OAS3: variants seen among roughly 807,000 people sequenced by gnomAD.
The protein encoded by OAS3 is 2'-5'-oligoadenylate synthetase 3.
In OAS3, 107 loss-of-function variants were observed where a neutral mutation model predicts 113.0. That is an observed-to-expected ratio of 0.95 (90% CI 0.81 to 1.11). The LOEUF (loss-of-function observed/expected upper bound fraction) is 1.11. OAS3 is among the 50% of genes most tolerant of loss of function. The probability of loss-of-function intolerance (pLI) is 0.00; values close to 1 mark genes in which losing one functional copy is unlikely to be tolerated. For missense variants in OAS3, 1,258 were observed against 1,389.1 expected, an observed-to-expected ratio of 0.91 and a Z score of 1.50; for synonymous variants, 552 against 573.6, an observed-to-expected ratio of 0.96 and a Z score of 0.54.
In OAS3 at chr12:112,955,441, C is replaced by T. The variant is rs558528954; in HGVS notation, c.1657+4466C>T. Among the ~76,000 whole-genome samples, 27 of 152,220 alleles carry T rather than the reference C, an allele frequency of 1.8e-4. No homozygotes were observed. The South Asian group carries it at 2.5e-3, about 14-fold the overall frequency. ...GCTTCCAGTTTTTGCCCATTCAGTA[C>T]GATATTGGCTGTGGGTTTGTCATAA... is the stretch of plus-strand genomic sequence containing the variant. On this transcript the variant is annotated intron_variant, in intron 7 of 15. Coordinates refer to ENST00000228928, the MANE Select transcript of OAS3 (RefSeq NM_006187.4).
In OAS3 at chr12:112,950,699, T is replaced by A. The variant is rs756991262; in HGVS notation, c.1381T>A (p.Ser461Thr). Residue 461 changes from serine (S) to threonine (T), a missense_variant, in exon 7 of 16, where the codon TCA (serine) becomes ACA (threonine). By Grantham distance (58) the Ser-to-Thr change is moderately conservative. Coordinates refer to ENST00000228928, the MANE Select transcript of OAS3 (RefSeq NM_006187.4). ...GCTGTTCTTCCCTCCACAGGGGGGC[T>A]CATTTGGCCGGGGCACAGACCTAAG... is the stretch of plus-strand genomic sequence containing the variant. ...HKASRVSKGG[S>T]FGRGTDLRDG... 1.9e-5 allele frequency: 30 copies of A among 1,613,910 alleles called. No individual in the cohort carries two copies. The highest frequency in any genetic ancestry group is 7.7e-5 in the South Asian group (7 of 91,082).
rs1565982027 is a variant in OAS3 at position 112,965,744 on chromosome 12, G to T, written c.2404G>T (p.Gly802Cys). The part of the protein sequence containing the change: ...SPIKVIKVVK[G>C]GSSAKGTALR... Reference sequence around the variant, plus strand: ...GAGCCACCTGCCATGTCCTCTCCAGGGTGGCTCTTCAGCCAAAGGCACAGC... The same window carrying T: ...GAGCCACCTGCCATGTCCTCTCCAGTGTGGCTCTTCAGCCAAAGGCACAGC... The change falls in exon 12 of 16, where the codon GGT (glycine) becomes TGT (cysteine). Residue 802 changes from glycine (G) to cysteine (C), a missense_variant and splice_region_variant. Gly to Cys is a radical substitution (Grantham distance 159). Coordinates refer to ENST00000228928, the MANE Select transcript of OAS3 (RefSeq NM_006187.4). 1 of 1,607,826 alleles carries T rather than the reference G, an allele frequency of 6.2e-7. No homozygotes were observed. Among genetic ancestry groups the T allele is most frequent in the Non-Finnish European group, 8.5e-7 (1 of 1,178,458 alleles).
At chr12:112,962,508 C>T in intron 8 of OAS3, 144 bp from the exon 9 acceptor site, 1 of 989,564 alleles carries the variant, frequency 1.0e-6, no homozygotes, top group Non-Finnish European at 1.5e-6. Flanking sequence ...TCAGTTTACC[C>T]ACCTGTAAAA....
chr12:112,962,596 C>A (rs1467606218), intron 8 of OAS3, 56 bp from the exon 9 acceptor site: 2 of 1,587,960 alleles, frequency 1.3e-6, no homozygotes, highest in Non-Finnish European at 8.6e-7. Context: ...TGCTTATGGC[C>A]ACACTCAGCT....
At chr12:112,955,530 G>A (rs954577843) in intron 7 of OAS3, among the ~76,000 whole-genome samples, 1 of 152,308 alleles carries the variant, frequency 6.6e-6, no homozygotes, top group Non-Finnish European at 1.5e-5. Context: ...TTAGCATGAA[G>A]GGCTGTTGAA....
intron 7 of OAS3, among the ~76,000 whole-genome samples, chr12:112,952,793 A>G (rs2043803183): frequency 6.6e-6 from 1 of 152,104 alleles, no homozygotes; most frequent in Admixed American, 6.5e-5. Context: ...CTGTCTTCTT[A>G]CCTGTTGTTG....
At chr12:112,965,267 G>A (rs1030976084) in intron 11 of OAS3, among the ~76,000 whole-genome samples, 1 of 152,192 alleles carries the variant, frequency 6.6e-6, no homozygotes, top group Non-Finnish European at 1.5e-5. Context: ...TCTAACACTT[G>A]AGGAGAGTGG....
rs556495365 is a variant in OAS3, at chr12:112,964,858, T to C, written c.2403+450T>C. Among the ~76,000 whole-genome samples, 7 of 152,292 alleles carry C rather than the reference T, an allele frequency of 4.6e-5. 1 individual carries two copies. Among genetic ancestry groups the C allele is most frequent in the African/African-American group, 1.7e-4 (7 of 41,554 alleles). ...TTTCTTAAAATTCAAATAAAAGTCT[T>C]GGAATTGAGTCTCATTGGCCTGGCT... is the stretch of plus-strand genomic sequence containing the variant. On this transcript the variant is annotated intron_variant, in intron 11 of 15. Transcript: ENST00000228928.
chr12:112,948,765 T>A (rs1161997975), intron 5 of OAS3, 96 bp from the exon 6 acceptor site: 1 of 962,314 alleles, frequency 1.0e-6, no homozygotes, highest in Admixed American at 2.7e-5. Flanking sequence ...TCAGTCACCC[T>A]GACTGTACAA....
chr12:112,965,602 C>T, intron 11 of OAS3, 142 bp from the exon 12 acceptor site: 1 of 751,316 alleles, frequency 1.3e-6, no homozygotes, highest in Non-Finnish European at 2.1e-6. Context: ...TAAATACAGT[C>T]TTTCTTACCA....
In OAS3 at chr12:112,967,954, G is replaced by A. The variant is rs1354602189; in HGVS notation, c.2884G>A (p.Gly962Arg). The A allele has an allele frequency of 3.1e-6, 5 of 1,613,710 alleles. No individual in the cohort carries two copies. The highest frequency in any genetic ancestry group is 4.2e-6 in the Non-Finnish European group (5 of 1,179,732). Residue 962 changes from glycine (G) to arginine (R), a missense_variant, in exon 14 of 16, where the codon GGG becomes AGG. Transcript: ENST00000228928. ...WYQQCTKISK[G>R]RGSLPPQHGL... ...TCTCCAGTGTACCAAGATCTCCAAG[G>A]GGAGAGGCTCCCTACCCCCACAGCA...
chr12:112,960,467 A>G (rs753762931), intron 7 of OAS3, among the ~76,000 whole-genome samples: 1 of 151,920 alleles, frequency 6.6e-6, no homozygotes, highest in Non-Finnish European at 1.5e-5. Flanking sequence ...GTGAAGGACA[A>G]GACTCAATTG....
rs767964922 is a variant in OAS3 at position 112,941,844 on chromosome 12, A to G, written c.452A>G (p.Asn151Ser). ...WMDVSLVPAF[N>S]VLGQAGSGVK... is the part of the protein sequence containing the mutation. ...GATGTTAGCCTGGTGCCTGCCTTCA[A>G]TGTCCTGGGTGAGGGGTTCCTAGAC... The change falls in exon 2 of 16, where the codon AAT becomes AGT. Residue 151 changes from asparagine (N) to serine (S), a missense_variant. Asn to Ser is a conservative substitution (Grantham distance 46, BLOSUM62 1). Coordinates refer to ENST00000228928, the MANE Select transcript of OAS3 (RefSeq NM_006187.4). The G allele has an allele frequency of 5.0e-6, 8 of 1,613,988 alleles. No homozygotes were observed. The Middle Eastern group carries it at 4.9e-4, about 100-fold the overall frequency.
At chr12:112,945,032 C>G in intron 3 of OAS3, 1 of 308,630 alleles carries the variant, frequency 3.2e-6, no homozygotes, top group Non-Finnish European at 6.3e-6. Context: ...CCCTATCCTG[C>G]CAGGTGCAGT....
rs750046111 is a variant in OAS3, at chr12:112,948,076, C to G, written c.1006C>G (p.Pro336Ala). Reference protein sequence around the residue: ...HPCFLRGMGDPVQSWKGPGLP... With the variant: ...HPCFLRGMGDAVQSWKGPGLP... ...ATGCTTTCTGAGGGGGATGGGGGAC[C>G]CAGTGCAGTCTTGGAAGGGGCCGGT... The change falls in exon 5 of 16, where the codon CCA becomes GCA. Residue 336 changes from proline to alanine, a missense_variant. By Grantham distance (27) the Pro-to-Ala change is conservative. Coordinates refer to ENST00000228928, the MANE Select transcript of OAS3 (RefSeq NM_006187.4). 1.3e-6 allele frequency: 2 copies of G among 1,561,542 alleles called. No individual in the cohort carries two copies. The highest frequency in any genetic ancestry group is 8.7e-7 in the Non-Finnish European group (1 of 1,153,874).
At chr12:112,956,780 G>T (rs1048738630) in intron 7 of OAS3, among the ~76,000 whole-genome samples, 23 of 152,368 alleles carry the variant, frequency 1.5e-4, no homozygotes, top group South Asian at 1.0e-3. Context: ...TTTGGAATAA[G>T]TGTAATGTGG....
chr12:112,941,063 C>T (rs1227001056), intron 1 of OAS3, among the ~76,000 whole-genome samples: 2 of 152,040 alleles, frequency 1.3e-5, no homozygotes, highest in Non-Finnish European at 2.9e-5. Context: ...TGGTGCATGC[C>T]TATAGTCTCA....
In OAS3 at chr12:112,963,175, T is replaced by A; in HGVS notation, c.2085-138T>A. The A allele has an allele frequency of 1.8e-6, 2 of 1,130,166 alleles. No individual in the cohort carries two copies. The highest frequency in any genetic ancestry group is 2.4e-6 in the Non-Finnish European group (2 of 817,976). The allele number at this position is 1,130,166 out of a possible 1,614,324, so 70.0% of individuals were successfully genotyped here. A position where few individuals can be genotyped will look rare whatever the true frequency, so the allele number is the denominator to read the frequency against. ...ACCAAGGCAGCCAATTGAGATCGCT[T>A]CTGCACTTGGGCAAGACTGAGCCAA... On this transcript the variant is annotated intron_variant, in intron 9 of 15. Transcript: ENST00000228928. This position sits in a 1 kb window ranked among gnomAD's most constrained non-coding sequence, Gnocchi z 4.6.
chr12:112,969,629 T>C lies in OAS3; in HGVS notation c.3126T>C (p.Ala1042=). The part of the protein sequence containing the change: ...QKPRPIILDP[A]DPTGNLGHNA... ...GCAGGCCTATCATCCTGGATCCGGC[T>C]GACCCGACAGGCAACCTGGGCCACA... Residue 1042 remains alanine (A), a synonymous_variant, in exon 15 of 16, where the codon GCT becomes GCC. Coordinates refer to ENST00000228928, the MANE Select transcript of OAS3 (RefSeq NM_006187.4). 2 of 1,602,566 alleles carry C rather than the reference T, an allele frequency of 1.2e-6. No individual in the cohort carries two copies. The highest frequency in any genetic ancestry group is 1.7e-6 in the Non-Finnish European group (2 of 1,174,466).
Sources: allele counts gnomAD v4.1 joint callset (sites outside exome capture counted in the v4.1 genomes callset), GRCh38; gene constraint gnomAD v4.1.1; non-coding constraint Gnocchi (gnomAD v3.1); transcripts MANE v1.5; gene names NCBI Gene and HGNC (gene_info 2026-07-23, HGNC 2026-07-21).